DACH2: variants seen among roughly 807,000 people sequenced by gnomAD.
DACH2 encodes dachshund family transcription factor 2.
In DACH2, 17 loss-of-function variants were observed where a neutral mutation model predicts 35.8. That is an observed-to-expected ratio of 0.48 (90% CI 0.33 to 0.71). The LOEUF (loss-of-function observed/expected upper bound fraction) is 0.71, where lower values mean the gene tolerates loss of function less well. DACH2 is among the 30% of genes least tolerant of loss of function. The pLI is 0.02. For missense variants in DACH2, 469 were observed against 472.7 expected, an observed-to-expected ratio of 0.99 and a Z score of 0.07; for synonymous variants, 195 against 177.3, an observed-to-expected ratio of 1.10 and a Z score of -0.79.
rs148823958 is a variant in DACH2 at position 86,370,377 on chromosome X, G to A, written c.489-6447G>A. On this transcript the variant is annotated intron_variant, in intron 1 of 11. Transcript: ENST00000373125. ...TGTCCAACGTTTTAAGGGCTGCAGA[G>A]TATATCTACCATAAATGTTTTGTTT... is the stretch of plus-strand genomic sequence containing the variant. 4.5e-5 allele frequency among the ~76,000 whole-genome samples: 5 copies of A among 111,737 alleles called. No homozygotes were observed. In the East Asian group the frequency reaches 1.4e-3, roughly 32 times the overall value.
chrX:86,421,997 C>T (rs1485305415), intron 2 of DACH2, among the ~76,000 whole-genome samples: 2 of 110,714 alleles, frequency 1.8e-5, no homozygotes, highest in Non-Finnish European at 1.9e-5. Context: ...AGGCAATGGG[C>T]CAGAATACAG....
intron 2 of DACH2, among the ~76,000 whole-genome samples, chrX:86,493,976 T>G (rs1206532005): frequency 9.0e-6 from 1 of 111,258 alleles, no homozygotes; most frequent in African/African-American, 3.3e-5. Context: ...GGCTCCAAAG[T>G]CAAACTCTGG....
chrX:86,636,811 A>G (rs1288758068), intron 3 of DACH2, among the ~76,000 whole-genome samples: 1 of 110,740 alleles, frequency 9.0e-6, no homozygotes, highest in Non-Finnish European at 1.9e-5. Context: ...CAAAGATTTC[A>G]TGACAAAGAC....
chrX:86,222,959 A>C (rs2032746825), intron 1 of DACH2, among the ~76,000 whole-genome samples: 1 of 111,690 alleles, frequency 9.0e-6, no homozygotes, highest in African/African-American at 3.3e-5. Context: ...AATAAAAAGG[A>C]GTATGTGTGA....
At chrX:86,154,540 C>A (rs242842) in intron 1 of DACH2, among the ~76,000 whole-genome samples, 26,270 of 110,753 alleles carry the variant, frequency 0.24, 4,499 homozygotes, top group African/African-American at 0.61. Flanking sequence ...TTGCTTTGGA[C>A]GGGAAATTGA....
chrX:86,504,378 G>C lies in DACH2; in HGVS notation c.528-9901G>C, dbSNP rs149210490. 5.8e-3 allele frequency among the ~76,000 whole-genome samples: 637 copies of C among 110,754 alleles called. 1 individual carries two copies. The highest frequency in any genetic ancestry group is 0.011 in the Admixed American group (112 of 10,385). On this transcript the variant is annotated intron_variant, in intron 2 of 11. Transcript: ENST00000373125. ...TTTTAAGTGTATTAGTTTGTATCCAGTTTCCTGGAATCAATTGTCTTAAGA... is the reference window on the plus strand; with the variant it reads ...TTTTAAGTGTATTAGTTTGTATCCACTTTCCTGGAATCAATTGTCTTAAGA...
chrX:86,700,138 CT>C (rs980579672), intron 5 of DACH2, among the ~76,000 whole-genome samples: 3 of 110,309 alleles, frequency 2.7e-5, no homozygotes, highest in Non-Finnish European at 3.8e-5. Context: ...AGTATGATTT[CT>C]TTTTTTTCTC....
chrX:86,541,077 T>G (rs2038874013), intron 3 of DACH2, among the ~76,000 whole-genome samples: 1 of 112,127 alleles, frequency 8.9e-6, no homozygotes, highest in East Asian at 2.8e-4. Context: ...TGGTGTTATG[T>G]TAAACATATA....
intron 5 of DACH2, among the ~76,000 whole-genome samples, chrX:86,705,340 G>A (rs189736378): frequency 0.032 from 3,523 of 109,338 alleles, 141 homozygotes; most frequent in African/African-American, 0.11. Context: ...TGGGTTCAGT[G>A]CATACTTCTT....
chrX:86,808,678 A>C (rs2042368124), intron 7 of DACH2, among the ~76,000 whole-genome samples: 1 of 110,562 alleles, frequency 9.0e-6, no homozygotes, highest in Admixed American at 9.7e-5. Context: ...CTGGGACAAT[A>C]GTATTTAGGG....
chrX:86,180,109 T>C (rs2031427634), intron 1 of DACH2, among the ~76,000 whole-genome samples: 1 of 98,948 alleles, frequency 1.0e-5, no homozygotes, highest in Non-Finnish European at 2.0e-5. Flanking sequence ...ACATAATTAT[T>C]ATATTAATAG....
intron 3 of DACH2, among the ~76,000 whole-genome samples, chrX:86,520,768 C>T (rs1316104984): frequency 1.8e-5 from 2 of 111,238 alleles, no homozygotes; most frequent in Non-Finnish European, 3.8e-5. Context: ...TTTCTCCATC[C>T]CTTTATTTTT....
chrX:86,464,940 C>G (rs1285084014), intron 2 of DACH2, among the ~76,000 whole-genome samples: 2 of 111,736 alleles, frequency 1.8e-5, no homozygotes, highest in African/African-American at 6.5e-5. Flanking sequence ...TAATTCAAAA[C>G]TAAATAATGT....
intron 3 of DACH2, among the ~76,000 whole-genome samples, chrX:86,572,664 T>C (rs1406819882): frequency 9.0e-6 from 1 of 111,659 alleles, no homozygotes; most frequent in African/African-American, 3.3e-5. Context: ...ATAGGGATTT[T>C]GTAGATGCCC....
intron 4 of DACH2, among the ~76,000 whole-genome samples, chrX:86,666,599 G>A (rs757947034): frequency 8.9e-6 from 1 of 111,910 alleles, no homozygotes; most frequent in Non-Finnish European, 1.9e-5. Flanking sequence ...ATCCAGGCAA[G>A]TCTCTTTCTG....
At chrX:86,294,765 G>A (rs2034405261) in intron 1 of DACH2, among the ~76,000 whole-genome samples, 1 of 109,768 alleles carries the variant, frequency 9.1e-6, no homozygotes, top group East Asian at 2.9e-4. Context: ...ACTTGAGGAG[G>A]CAGTCTGCCC....
intron 7 of DACH2, among the ~76,000 whole-genome samples, chrX:86,756,432 T>C (rs1444811598): frequency 9.1e-6 from 1 of 110,185 alleles, no homozygotes; most frequent in African/African-American, 3.3e-5. Context: ...GTAGTTTTTC[T>C]TCTAGAGATC....
intron 6 of DACH2, among the ~76,000 whole-genome samples, chrX:86,727,851 A>G (rs1258046131): frequency 8.9e-6 from 1 of 111,753 alleles, no homozygotes; most frequent in Non-Finnish European, 1.9e-5. Flanking sequence ...TAGGTTAACC[A>G]TTGTCAGGTA....
chrX:86,284,562 T>C (rs925234281), intron 1 of DACH2, among the ~76,000 whole-genome samples: 1 of 107,768 alleles, frequency 9.3e-6, no homozygotes, highest in African/African-American at 3.4e-5. Flanking sequence ...TCTTTCTTTC[T>C]TTTTTTTTTA....
Sources: allele counts gnomAD v4.1 joint callset (sites outside exome capture counted in the v4.1 genomes callset), GRCh38; gene constraint gnomAD v4.1.1; transcripts MANE v1.5; gene names NCBI Gene and HGNC (gene_info 2026-07-23, HGNC 2026-07-21).